CEP112: variants seen among roughly 807,000 people sequenced by gnomAD.
The protein encoded by CEP112 is centrosomal protein 112.
CEP112 carries 127 observed loss-of-function variants against 153.0 expected under a neutral mutation model. The ratio of observed to expected loss-of-function variants is 0.83; its 90% CI spans 0.72 to 0.96. The LOEUF (loss-of-function observed/expected upper bound fraction) is 0.96. Among genes scored for constraint, CEP112 ranks in the 40% least tolerant of loss-of-function variants. The pLI, the probability that CEP112 is intolerant of heterozygous loss-of-function variation, is 0.00. For missense variants in CEP112, 1,089 were observed against 1,101.2 expected (o/e 0.99, Z 0.16); for synonymous variants, 358 against 374.4 (o/e 0.96, Z 0.51).
chr17:66,186,681 C>T (rs1416706046), intron 1 of CEP112, among the ~76,000 whole-genome samples: 1 of 152,208 alleles, frequency 6.6e-6, no homozygotes, highest in Non-Finnish European at 1.5e-5. Context: ...CTCCTTCATG[C>T]TCTACAGGGT....
At chr17:65,820,572 C>A (rs185824576) in intron 21 of CEP112, among the ~76,000 whole-genome samples, 3 of 152,174 alleles carry the variant, frequency 2.0e-5, no homozygotes, top group Admixed American at 2.0e-4. Flanking sequence ...CATTTTACAG[C>A]CTCTCTGTGA....
chr17:66,163,156 T>A (rs939530684), intron 4 of CEP112, among the ~76,000 whole-genome samples: 2 of 152,154 alleles, frequency 1.3e-5, no homozygotes, highest in African/African-American at 4.8e-5. Flanking sequence ...AACTGTAATA[T>A]ACTATTTATT....
chr17:66,149,875 TTTTTGTTTGTTTG>T (rs761789876), intron 4 of CEP112, among the ~76,000 whole-genome samples: 7,463 of 79,604 alleles, frequency 0.094, 1,054 homozygotes, highest in Non-Finnish European at 0.12. Flanking sequence ...AGGGTTTTTT[TTTTTGTTTGTTTG>T]TTTTTTTTTT....
chr17:66,133,673 G>C (rs960351168), intron 4 of CEP112, among the ~76,000 whole-genome samples: 1 of 152,016 alleles, frequency 6.6e-6, no homozygotes, highest in African/African-American at 2.4e-5. Flanking sequence ...CCTATTCTCT[G>C]AACAACTGCT....
At chr17:65,945,477 T>G (rs560897671) in intron 18 of CEP112, among the ~76,000 whole-genome samples, 1 of 152,326 alleles carries the variant, frequency 6.6e-6, no homozygotes, top group South Asian at 2.1e-4. Flanking sequence ...CCAAAATGGT[T>G]GTACCCATTT....
At position 65,750,633 on chromosome 17, in the gene CEP112, C is replaced by G; in HGVS notation, c.2457+29G>C. ...GGTTTCATTTTTGTTTTGGTTTTAC[C>G]CTGTTTTGTGTCTTTTAATGTTGCT... is the stretch of plus-strand genomic sequence containing the variant. On this transcript the variant is annotated intron_variant, in intron 22 of 26. Coordinates refer to ENST00000535342, the MANE Select transcript of CEP112 (RefSeq NM_001199165.4). 4 of 1,602,296 alleles carry G rather than the reference C, an allele frequency of 2.5e-6. No individual in the cohort carries two copies. The South Asian group carries it at 4.4e-5, about 18-fold the overall frequency.
intron 19 of CEP112, among the ~76,000 whole-genome samples, chr17:65,926,879 C>T (rs1192598066): frequency 2.0e-5 from 3 of 152,168 alleles, no homozygotes; most frequent in African/African-American, 7.2e-5. Context: ...ATAGTAAGTA[C>T]TCAACCCTAT....
intron 23 of CEP112, among the ~76,000 whole-genome samples, chr17:65,742,290 T>C (rs1325541788): frequency 6.6e-6 from 1 of 152,216 alleles, no homozygotes; most frequent in African/African-American, 2.4e-5. Flanking sequence ...ACGCTTTAAG[T>C]ATTGTTATGT....
At chr17:65,860,652 T>C (rs2058285955) in intron 20 of CEP112, among the ~76,000 whole-genome samples, 1 of 152,226 alleles carries the variant, frequency 6.6e-6, no homozygotes, top group Non-Finnish European at 1.5e-5. Flanking sequence ...AGCCAATGTA[T>C]TCTAAAAATT....
chr17:65,652,449 T>C (rs774127584), intron 24 of CEP112, among the ~76,000 whole-genome samples: 2 of 152,108 alleles, frequency 1.3e-5, no homozygotes, highest in Non-Finnish European at 1.5e-5. Flanking sequence ...TTAGTTATCA[T>C]TATATGACTT....
intron 17 of CEP112, among the ~76,000 whole-genome samples, chr17:65,982,699 T>C (rs1008020626): frequency 1.3e-5 from 2 of 152,192 alleles, no homozygotes; most frequent in African/African-American, 4.8e-5. Context: ...TCCCAGCAAT[T>C]CCACTCCTGG....
chr17:65,861,891 G>A (rs935927490), intron 20 of CEP112, among the ~76,000 whole-genome samples: 5 of 152,164 alleles, frequency 3.3e-5, no homozygotes, highest in East Asian at 1.9e-4. Context: ...TCTCTTACAC[G>A]TGAACACCAG....
At chr17:65,867,611 T>G (rs1028063855) in intron 20 of CEP112, among the ~76,000 whole-genome samples, 1 of 151,978 alleles carries the variant, frequency 6.6e-6, no homozygotes, top group Admixed American at 6.5e-5. Context: ...GTTAAGTAAT[T>G]TTGAAAAAAA....
At chr17:65,822,040 C>A (rs1286829534) in intron 21 of CEP112, among the ~76,000 whole-genome samples, 2 of 151,482 alleles carry the variant, frequency 1.3e-5, no homozygotes, top group Admixed American at 1.3e-4. Flanking sequence ...TCAAAATTCC[C>A]AATTCAATGG....
chr17:65,720,425 T>A (rs1234556078), intron 23 of CEP112, among the ~76,000 whole-genome samples: 5 of 152,078 alleles, frequency 3.3e-5, no homozygotes, highest in African/African-American at 7.2e-5. Flanking sequence ...GCAACAGGGT[T>A]TCAAGGCAAG....
chr17:65,951,745 C>CTG (rs1329028549), intron 18 of CEP112, among the ~76,000 whole-genome samples: 1 of 95,058 alleles, frequency 1.1e-5, no homozygotes, highest in African/African-American at 3.5e-5. Flanking sequence ...CTTCCCCCGC[C>CTG]CCCCCCTTTC....
chr17:66,044,032 G>A (rs1426657773), intron 12 of CEP112, among the ~76,000 whole-genome samples: 1 of 152,018 alleles, frequency 6.6e-6, no homozygotes, highest in Non-Finnish European at 1.5e-5. Context: ...CTCCGTCCAT[G>A]TTTCTCTATA....
At chr17:66,090,795 A>C (rs1041284105) in intron 8 of CEP112, among the ~76,000 whole-genome samples, 4 of 152,128 alleles carry the variant, frequency 2.6e-5, no homozygotes, top group African/African-American at 4.8e-5. Context: ...TTCCTATAAG[A>C]AATTCATTTC....
At chr17:65,925,898 G>A (rs544572809) in intron 19 of CEP112, among the ~76,000 whole-genome samples, 4 of 152,314 alleles carry the variant, frequency 2.6e-5, no homozygotes, top group South Asian at 2.1e-4. Flanking sequence ...CAAAGGACAC[G>A]TGACATAAGT....
Sources: allele counts gnomAD v4.1 joint callset (sites outside exome capture counted in the v4.1 genomes callset), GRCh38; gene constraint gnomAD v4.1.1; transcripts MANE v1.5; gene names NCBI Gene and HGNC (gene_info 2026-07-23, HGNC 2026-07-21).